The following MAP1B variants were observed in gnomAD, a reference collection of about 807,000 sequenced individuals.
The protein encoded by MAP1B is microtubule associated protein 1B, also known as microtubule-associated protein 1B.
A neutral mutation model predicts 176.1 loss-of-function variants in MAP1B; 12 were observed. The observed-to-expected ratio is 0.07, with a 90% confidence interval of 0.04 to 0.11. MAP1B has a LOEUF of 0.11. Ranked by LOEUF, MAP1B falls within the 10% of genes least tolerant of loss-of-function variation. The pLI, the probability that MAP1B is intolerant of heterozygous loss-of-function variation, is 1.00. For missense variants in MAP1B, 2,523 were observed against 2,990.5 expected (o/e 0.84, Z 3.65); for synonymous variants, 1,044 against 1,135.0 (o/e 0.92, Z 1.61).
Position 72,186,589 on chromosome 5 carries a change from G to A in MAP1B, c.370-25G>A. The A allele has an allele frequency of 6.2e-7, 1 of 1,612,468 alleles. No homozygotes were observed. Among genetic ancestry groups the A allele is most frequent in the Non-Finnish European group, 8.5e-7 (1 of 1,179,756 alleles). ...ATGGCAGCACTGCCCATGGCTCAGG[G>A]CCTACGTTCTGTGCTTTATTTCAGG... On this transcript the variant is annotated intron_variant, in intron 3 of 6. Transcript: ENST00000296755. This position sits in a 1 kb window ranked among gnomAD's most constrained non-coding sequence, Gnocchi z 4.3.
At chr5:72,122,945 GT>G (rs200983987) in intron 2 of MAP1B, among the ~76,000 whole-genome samples, 5 of 151,496 alleles carry the variant, frequency 3.3e-5, no homozygotes, top group African/African-American at 9.7e-5. Context: ...TGTTAGTAGA[GT>G]TTTTTTTTAA....
chr5:72,107,547 G>A lies in MAP1B; in HGVS notation c.16G>A (p.Val6Met). Residue 6 changes from valine (V) to methionine (M), a missense_variant, in exon 1 of 7, where the codon GTG becomes ATG. Val to Met is a conservative substitution (Grantham distance 21). Around this residue, in one of 4 missense-constraint regions of MAP1B, gnomAD observed 307 missense variants for 438.4 expected, o/e 0.70. Coordinates refer to ENST00000296755, the MANE Select transcript of MAP1B (RefSeq NM_005909.5). ...AGCCGGCAGGATGGCGACCGTGGTG[G>A]TGGAAGCCACCGAGCCGGAGCCGTC... is the stretch of plus-strand genomic sequence containing the variant. Reference protein sequence around the residue: MATVVVEATEPEPSGS... With the variant: MATVVMEATEPEPSGS... 1.9e-6 allele frequency: 3 copies of A among 1,572,800 alleles called. No individual in the cohort carries two copies. Among genetic ancestry groups the A allele is most frequent in the Non-Finnish European group, 2.6e-6 (3 of 1,164,450 alleles).
chr5:72,148,872 A>G (rs1224609620), intron 2 of MAP1B, among the ~76,000 whole-genome samples: 1 of 152,228 alleles, frequency 6.6e-6, no homozygotes, highest in Non-Finnish European at 1.5e-5. Flanking sequence ...GAGCATTCAC[A>G]TGGCTGATCT....
chr5:72,111,415 A>G (rs1745337125), intron 1 of MAP1B, among the ~76,000 whole-genome samples: 1 of 152,236 alleles, frequency 6.6e-6, no homozygotes, highest in Admixed American at 6.5e-5. Context: ...ACTGCTCTGC[A>G]TTTTTAGATA....
Position 72,206,335 on chromosome 5 carries a change from A to G in MAP1B, c.*1096A>G, listed in dbSNP as rs973144452. On this transcript the variant is annotated 3_prime_UTR_variant, in exon 7 of 7. Transcript: ENST00000296755. ...ACTAGAAGCTGATCTGATTGGTCCA[A>G]CAGTTTGATGCTGAGTCATGCGTGT... 1 of 152,710 alleles carries G rather than the reference A, an allele frequency of 6.5e-6. No homozygotes were observed. The highest frequency in any genetic ancestry group is 2.4e-5 in the African/African-American group (1 of 41,452). 9.5% of individuals were successfully genotyped at this position (152,710 alleles called of 1,614,324 possible). A position where few individuals can be genotyped will look rare whatever the true frequency, so the allele number is the denominator to read the frequency against.
At chr5:72,128,256 C>T (rs955153805) in intron 2 of MAP1B, among the ~76,000 whole-genome samples, 4 of 152,040 alleles carry the variant, frequency 2.6e-5, no homozygotes, top group African/African-American at 4.8e-5. Flanking sequence ...GGATTAGTAG[C>T]GATTTCTTAT....
rs530024926 is a variant in MAP1B at position 72,156,782 on chromosome 5, C to T, written c.287-26961C>T. On this transcript the variant is annotated intron_variant, in intron 2 of 6. Coordinates refer to ENST00000296755, the MANE Select transcript of MAP1B (RefSeq NM_005909.5). ...CACAATATGGGAAGCAGTGTTTCCT[C>T]TGACCCACACAGGGACACAGAGCAA... Among the ~76,000 whole-genome samples the T allele has an allele frequency of 4.6e-5, 7 of 152,322 alleles. No individual in the cohort carries two copies. The East Asian group carries it at 1.3e-3, about 29-fold the overall frequency.
At chr5:72,183,963 A>G in intron 3 of MAP1B, 138 bp downstream of exon 3, 1 of 681,174 alleles carries the variant, frequency 1.5e-6, no homozygotes, top group Non-Finnish European at 2.5e-6. Flanking sequence ...GTCTTTCTCA[A>G]CCCCCATTAA....
chr5:72,174,388 A>G (rs1393975556), intron 2 of MAP1B, among the ~76,000 whole-genome samples: 1 of 152,228 alleles, frequency 6.6e-6, no homozygotes, highest in African/African-American at 2.4e-5. Flanking sequence ...CCACTCTCCA[A>G]TAGAACTGAC....
chr5:72,206,649 C>T lies in MAP1B; in HGVS notation c.*1410C>T, dbSNP rs1016810530. The T allele has an allele frequency of 6.6e-6, 1 of 151,890 alleles. No individual in the cohort carries two copies. Among genetic ancestry groups the T allele is most frequent in the African/African-American group, 2.4e-5 (1 of 41,260 alleles). 9.4% of individuals were successfully genotyped at this position (151,890 alleles called of 1,614,324 possible). A position where few individuals can be genotyped will look rare whatever the true frequency, so the allele number is the denominator to read the frequency against. On this transcript the variant is annotated 3_prime_UTR_variant, in exon 7 of 7. Coordinates refer to ENST00000296755, the MANE Select transcript of MAP1B (RefSeq NM_005909.5). ...AACTTTTCATAGATGAACTTTTTAACAAATGTTTTCATTTACAGGAAATTG... is the reference window on the plus strand; with the variant it reads ...AACTTTTCATAGATGAACTTTTTAATAAATGTTTTCATTTACAGGAAATTG...
At chr5:72,155,483 A>G (rs1276273535) in intron 2 of MAP1B, among the ~76,000 whole-genome samples, 1 of 152,238 alleles carries the variant, frequency 6.6e-6, no homozygotes, top group African/African-American at 2.4e-5. Context: ...GTGACAGATT[A>G]AATGAAAAAT....
chr5:72,205,367 C>T lies in MAP1B; in HGVS notation c.*128C>T, dbSNP rs1227282644. The T allele has an allele frequency of 1.1e-6, 1 of 916,880 alleles. No individual in the cohort carries two copies. Among genetic ancestry groups the T allele is most frequent in the Non-Finnish European group, 1.6e-6 (1 of 608,520 alleles). The allele number at this position is 916,880 out of a possible 1,614,324, so 56.8% of individuals were successfully genotyped here. A position where few individuals can be genotyped will look rare whatever the true frequency, so the allele number is the denominator to read the frequency against. ...GAACAATTACCTGCCAAATGCTATACTGTGTCATGGTGATGCAAGTCACTA... is the reference window on the plus strand; with the variant it reads ...GAACAATTACCTGCCAAATGCTATATTGTGTCATGGTGATGCAAGTCACTA... On this transcript the variant is annotated 3_prime_UTR_variant, in exon 7 of 7. Transcript: ENST00000296755.
Position 72,200,039 on chromosome 5 carries a change from G to A in MAP1B, c.6684G>A (p.Glu2228=), listed in dbSNP as rs777455626. 12 of 1,614,072 alleles carry A rather than the reference G, an allele frequency of 7.4e-6. No homozygotes were observed. The highest frequency in any genetic ancestry group is 8.5e-6 in the Non-Finnish European group (10 of 1,180,038). The part of the protein sequence containing the change: ...SMVDPEALAI[E]QNLGKALKKD... The stretch of plus-strand genomic sequence containing the variant: ...TGGACCCAGAGGCCTTGGCCATTGA[G>A]CAGAACCTGGGCAAAGCTCTAAAGA... The change falls in exon 5 of 7, where the codon GAG becomes GAA. Residue 2228 remains glutamate, a synonymous_variant. Coordinates refer to ENST00000296755, the MANE Select transcript of MAP1B (RefSeq NM_005909.5).
chr5:72,110,688 C>G (rs942278032), intron 1 of MAP1B, among the ~76,000 whole-genome samples: 1 of 152,186 alleles, frequency 6.6e-6, no homozygotes, highest in Non-Finnish European at 1.5e-5. Flanking sequence ...GCTGGGAAGG[C>G]AGTTCCGCAT....
intron 2 of MAP1B, among the ~76,000 whole-genome samples, chr5:72,120,177 A>G: frequency 6.6e-6 from 1 of 152,226 alleles, no homozygotes; most frequent in Non-Finnish European, 1.5e-5. Flanking sequence ...AATCAGTTTC[A>G]ATTTTTATTT....
rs1201426308 is a variant in MAP1B at position 72,163,894 on chromosome 5, TTTTC to T, written c.287-19839_287-19836del. On this transcript the variant is annotated intron_variant, in intron 2 of 6. Coordinates refer to ENST00000296755, the MANE Select transcript of MAP1B (RefSeq NM_005909.5). Reference sequence around the variant, plus strand: ...GGCTATATGACTTTTTTCTTTTTTCTTTTCTTTCTTTCTCTCTCTCTCTTTTTTT... The same window carrying T: ...GGCTATATGACTTTTTTCTTTTTTCTTTTCTTTCTCTCTCTCTCTTTTTTT... 1.4e-4 allele frequency among the ~76,000 whole-genome samples: 21 copies of T among 151,194 alleles called. No homozygotes were observed. The East Asian group carries it at 3.7e-3, about 27-fold the overall frequency.
rs777896861 is a variant in MAP1B at position 72,200,164 on chromosome 5, C to T, written c.6809C>T (p.Ala2270Val). 8 of 1,614,256 alleles carry T rather than the reference C, an allele frequency of 5.0e-6. No homozygotes were observed. Among genetic ancestry groups the T allele is most frequent in the Non-Finnish European group, 6.8e-6 (8 of 1,180,046 alleles). ...GATGGGAAGTCTAAGCCCTTGGCAG[C>T]TTCACCAAAACCAGCGGGCTTGAAA... ...KSDGKSKPLA[A>V]SPKPAGLKES... is the part of the protein sequence containing the mutation. The change falls in exon 5 of 7, where the codon GCT becomes GTT. Residue 2270 changes from alanine (A) to valine (V), a missense_variant. Transcript: ENST00000296755.
chr5:72,156,423 G>A (rs4301216), intron 2 of MAP1B, among the ~76,000 whole-genome samples: 130,641 of 152,230 alleles, frequency 0.86, 56,177 homozygotes, highest in South Asian at 0.96. Context: ...CTCTTAAAAC[G>A]TAAACAAAAA....
chr5:72,183,468 G>A (rs542534370), intron 2 of MAP1B, among the ~76,000 whole-genome samples: 11 of 152,214 alleles, frequency 7.2e-5, no homozygotes, highest in African/African-American at 2.7e-4. Context: ...CGCCATTACC[G>A]CAAGGAGGCT....
Sources: allele counts gnomAD v4.1 joint callset (sites outside exome capture counted in the v4.1 genomes callset), GRCh38; gene constraint gnomAD v4.1.1; regional missense constraint gnomAD v4.1.1; non-coding constraint Gnocchi (gnomAD v3.1); transcripts MANE v1.5; gene names NCBI Gene and HGNC (gene_info 2026-07-23, HGNC 2026-07-21).